The following PITPNC1 variants were observed in gnomAD, a reference collection of about 807,000 sequenced individuals.
PITPNC1 encodes cytoplasmic phosphatidylinositol transfer protein 1.
Under a neutral mutation model 44.7 loss-of-function variants are expected in PITPNC1, and 18 were observed. The ratio of observed to expected loss-of-function variants is 0.40; its 90% CI spans 0.28 to 0.60. The LOEUF is 0.60. Among genes scored for constraint, PITPNC1 ranks in the 20% least tolerant of loss-of-function variants. PITPNC1 has a pLI of 0.39. For missense variants in PITPNC1, 290 were observed against 418.4 expected, an observed-to-expected ratio of 0.69 and a Z score of 2.68; for synonymous variants, 141 against 149.6, an observed-to-expected ratio of 0.94 and a Z score of 0.42.
At chr17:67,442,384 C>G (rs1022964722) in intron 1 of PITPNC1, among the ~76,000 whole-genome samples, 1 of 150,962 alleles carries the variant, frequency 6.6e-6, no homozygotes, top group East Asian at 1.9e-4. Context: ...CTCGTAAGCC[C>G]GCCCAGTGGA....
At chr17:67,679,323 G>C (rs1464724998) in intron 8 of PITPNC1, among the ~76,000 whole-genome samples, 1 of 152,324 alleles carries the variant, frequency 6.6e-6, no homozygotes, top group East Asian at 1.9e-4. Context: ...CTGATTTCTT[G>C]TGAGAATTAG....
At chr17:67,390,343 T>G (rs970517199) in intron 1 of PITPNC1, among the ~76,000 whole-genome samples, 7 of 152,180 alleles carry the variant, frequency 4.6e-5, no homozygotes, top group Non-Finnish European at 7.3e-5. Context: ...ACCTTTCTTG[T>G]CAGAACTCAG....
At position 67,442,204 on chromosome 17, in the gene PITPNC1, C is replaced by T. The variant is rs535193916; in HGVS notation, c.48+64002C>T. Among the ~76,000 whole-genome samples, 9 of 54,218 alleles carry T rather than the reference C, an allele frequency of 1.7e-4. No individual in the cohort carries two copies. The South Asian group carries it at 3.1e-3, about 19-fold the overall frequency. The allele number at this position is 54,218 out of a possible 152,430, so 35.6% of individuals were successfully genotyped here. ...TGGAGCTGGATCAGGGGAAAATAAG[C>T]ATATATATATATATATATATATATA... On this transcript the variant is annotated intron_variant, in intron 1 of 8. Coordinates refer to ENST00000581322, the MANE Select transcript of PITPNC1 (RefSeq NM_012417.4).
chr17:67,584,571 A>G (rs934985593), intron 5 of PITPNC1, among the ~76,000 whole-genome samples: 1 of 152,184 alleles, frequency 6.6e-6, no homozygotes, highest in Non-Finnish European at 1.5e-5. Context: ...TAATGCTTCC[A>G]TCAGGGTGTA....
At chr17:67,434,169 C>T (rs757245108) in intron 1 of PITPNC1, among the ~76,000 whole-genome samples, 5 of 152,124 alleles carry the variant, frequency 3.3e-5, no homozygotes, top group South Asian at 4.1e-4. Context: ...GGGCTGCAGA[C>T]GGGGAATGAG....
intron 1 of PITPNC1, among the ~76,000 whole-genome samples, chr17:67,427,150 C>T (rs757655397): frequency 6.6e-6 from 1 of 152,124 alleles, no homozygotes; most frequent in Non-Finnish European, 1.5e-5. Flanking sequence ...AGTCAGGGCT[C>T]TGGGCATTGT....
Position 67,693,139 on chromosome 17 carries a change from C to CACAT in PITPNC1, c.*252_*253insCATA. 2.5e-6 allele frequency: 1 copy of CACAT among 402,772 alleles called. No homozygotes were observed. 24.9% of individuals were successfully genotyped at this position (402,772 alleles called of 1,614,324 possible). A position where few individuals can be genotyped will look rare whatever the true frequency, so the allele number is the denominator to read the frequency against. ...CTTCTGTAACCACATAGCTGTATGC[C>CACAT]AGAGAGGAAGCCTTGTTATTGGGCA... On this transcript the variant is annotated 3_prime_UTR_variant, in exon 9 of 9. Transcript: ENST00000581322.
intron 1 of PITPNC1, among the ~76,000 whole-genome samples, chr17:67,413,149 T>C (rs2038529334): frequency 6.6e-6 from 1 of 152,204 alleles, no homozygotes; most frequent in Admixed American, 6.6e-5. Flanking sequence ...TTCAGTGTTT[T>C]CCAGTTTTCC....
rs7215560 is a variant in PITPNC1, at chr17:67,400,886, G to A, written c.48+22684G>A. 8.3e-3 allele frequency among the ~76,000 whole-genome samples: 1,263 copies of A among 151,708 alleles called. 23 individuals are homozygous for A. Among genetic ancestry groups the A allele is most frequent in the African/African-American group, 0.029 (1,207 of 41,406 alleles). Reference sequence around the variant, plus strand: ...GTGAATGTGGTAGCAGAAATTGTTCGTTACGCTTTCACCTGCCAATTATGA... The same window carrying A: ...GTGAATGTGGTAGCAGAAATTGTTCATTACGCTTTCACCTGCCAATTATGA... On this transcript the variant is annotated intron_variant, in intron 1 of 8. Coordinates refer to ENST00000581322, the MANE Select transcript of PITPNC1 (RefSeq NM_012417.4).
At chr17:67,614,357 A>G (rs2041729995) in intron 5 of PITPNC1, among the ~76,000 whole-genome samples, 1 of 152,052 alleles carries the variant, frequency 6.6e-6, no homozygotes, top group African/African-American at 2.4e-5. Flanking sequence ...TGATAAGAAA[A>G]AAGGAGAAAA....
chr17:67,462,254 C>T (rs2039351544), intron 1 of PITPNC1, among the ~76,000 whole-genome samples: 1 of 94,136 alleles, frequency 1.1e-5, no homozygotes, highest in African/African-American at 4.3e-5. Context: ...TTTTCTGAGA[C>T]AGGGTCTTGC....
chr17:67,600,354 A>T (rs1054769407), intron 5 of PITPNC1, among the ~76,000 whole-genome samples: 1 of 152,208 alleles, frequency 6.6e-6, no homozygotes, highest in African/African-American at 2.4e-5. Flanking sequence ...CAACAGTCAG[A>T]ATGTAAATCT....
chr17:67,393,500 T>A (rs1419383784), intron 1 of PITPNC1, among the ~76,000 whole-genome samples: 1 of 152,172 alleles, frequency 6.6e-6, no homozygotes, highest in Non-Finnish European at 1.5e-5. Flanking sequence ...TCATAAGAAT[T>A]TTTTTCTGAA....
intron 1 of PITPNC1, among the ~76,000 whole-genome samples, chr17:67,489,399 G>A (rs1247603118): frequency 1.3e-5 from 2 of 152,156 alleles, no homozygotes; most frequent in Non-Finnish European, 2.9e-5. Context: ...AAAGATCATG[G>A]GCTATAAATG....
intron 6 of PITPNC1, among the ~76,000 whole-genome samples, chr17:67,665,779 A>C (rs1447956037): frequency 1.3e-5 from 2 of 152,164 alleles, no homozygotes; most frequent in East Asian, 3.8e-4. Context: ...CTTCAGAAGC[A>C]GAAAGGAGGA....
chr17:67,565,823 A>G (rs1386756771), intron 4 of PITPNC1, among the ~76,000 whole-genome samples: 1 of 147,990 alleles, frequency 6.8e-6, no homozygotes, highest in Non-Finnish European at 1.5e-5. Context: ...TGGTGTGTAT[A>G]TTAGTTTTCC....
intron 5 of PITPNC1, among the ~76,000 whole-genome samples, chr17:67,627,930 G>GTT (rs113761965): frequency 2.0e-4 from 27 of 137,618 alleles, no homozygotes; most frequent in African/African-American, 3.2e-4. Flanking sequence ...CTTCTTTTTT[G>GTT]TTTTTTTTTT....
chr17:67,412,351 G>T (rs932212461), intron 1 of PITPNC1, among the ~76,000 whole-genome samples: 1 of 152,102 alleles, frequency 6.6e-6, no homozygotes, highest in African/African-American at 2.4e-5. Context: ...AAAACTAGGT[G>T]CTGATGGCAC....
intron 1 of PITPNC1, among the ~76,000 whole-genome samples, chr17:67,484,680 G>A (rs1041450108): frequency 6.6e-6 from 1 of 152,190 alleles, no homozygotes; most frequent in Non-Finnish European, 1.5e-5. Context: ...GCTCATGCCT[G>A]TAATCTCAGC....
Sources: allele counts gnomAD v4.1 joint callset (sites outside exome capture counted in the v4.1 genomes callset), GRCh38; gene constraint gnomAD v4.1.1; transcripts MANE v1.5; gene names NCBI Gene and HGNC (gene_info 2026-07-23, HGNC 2026-07-21).